The following DTX4 variants were observed in gnomAD, a reference collection of about 807,000 sequenced individuals.
DTX4 encodes the protein deltex E3 ubiquitin ligase 4, also known as E3 ubiquitin-protein ligase DTX4.
Under a neutral mutation model 57.6 loss-of-function variants are expected in DTX4, and 28 were observed. The observed-to-expected ratio is 0.49, with a 90% confidence interval of 0.36 to 0.67. DTX4 has a LOEUF of 0.67. Among genes scored for constraint, DTX4 ranks in the 30% least tolerant of loss-of-function variants. The pLI is 0.00. For synonymous variants in DTX4, 316 were observed against 331.0 expected, an observed-to-expected ratio of 0.95 and a Z score of 0.49; for missense variants, 715 against 836.8, an observed-to-expected ratio of 0.85 and a Z score of 1.80.
chr11:59,202,001 C>G (rs1161003658), intron 8 of DTX4, among the ~76,000 whole-genome samples: 1 of 152,222 alleles, frequency 6.6e-6, no homozygotes, highest in Non-Finnish European at 1.5e-5. Flanking sequence ...CTAGACTCCT[C>G]TTCTAACCCT....
intron 1 of DTX4, 133 bp downstream of exon 1, chr11:59,172,939 G>A (rs1484536552): frequency 5.0e-6 from 3 of 603,960 alleles, no homozygotes; most frequent in Non-Finnish European, 8.3e-6. Flanking sequence ...AGAGGTGGTG[G>A]TGGGAGGCGA....
Position 59,205,070 on chromosome 11 carries a change from C to G in DTX4, c.*161C>G. 1 of 630,602 alleles carries G rather than the reference C, an allele frequency of 1.6e-6. No individual in the cohort carries two copies. Among genetic ancestry groups the G allele is most frequent in the South Asian group, 1.9e-5 (1 of 52,652 alleles). The allele number at this position is 630,602 out of a possible 1,614,324, so 39.1% of individuals were successfully genotyped here. Reference sequence around the variant, plus strand: ...TCATCCCTCCCAACCACAGTGGGAGCCAGACTGAATATAGCGACATCATTC... The same window carrying G: ...TCATCCCTCCCAACCACAGTGGGAGGCAGACTGAATATAGCGACATCATTC... On this transcript the variant is annotated 3_prime_UTR_variant, in exon 9 of 9. Coordinates refer to ENST00000227451, the MANE Select transcript of DTX4 (RefSeq NM_015177.2).
intron 2 of DTX4, 34 bp downstream of exon 2, chr11:59,182,496 C>T: frequency 6.4e-7 from 1 of 1,554,594 alleles, no homozygotes; most frequent in Non-Finnish European, 8.7e-7. Context: ...AGAGCATTTA[C>T]TCAGGGTAGA....
chr11:59,204,119 C>T (rs1862773169), intron 8 of DTX4, among the ~76,000 whole-genome samples: 1 of 152,146 alleles, frequency 6.6e-6, no homozygotes, highest in South Asian at 2.1e-4. Context: ...CTTTGAGCCT[C>T]AGTTTTCTCA....
intron 8 of DTX4, among the ~76,000 whole-genome samples, chr11:59,201,811 C>T (rs540855517): frequency 3.5e-4 from 53 of 152,344 alleles, no homozygotes; most frequent in Admixed American, 6.5e-4. Flanking sequence ...TAAAGTCCTG[C>T]GGTTAAAACT....
At chr11:59,186,502 TTCCCCAAACCTC>T (rs1862530651) in intron 2 of DTX4, among the ~76,000 whole-genome samples, 1 of 152,116 alleles carries the variant, frequency 6.6e-6, no homozygotes, top group Non-Finnish European at 1.5e-5. Context: ...GCCGGGTCTT[TTCCCCAAACCTC>T]TCCAGAAAGA....
At chr11:59,203,728 A>G (rs1862766729) in intron 8 of DTX4, among the ~76,000 whole-genome samples, 1 of 152,238 alleles carries the variant, frequency 6.6e-6, no homozygotes, top group African/African-American at 2.4e-5. Flanking sequence ...ATCTTGTGAG[A>G]TCACCATTGC....
At chr11:59,190,775 C>T (rs1350542658) in intron 4 of DTX4, among the ~76,000 whole-genome samples, 4 of 152,136 alleles carry the variant, frequency 2.6e-5, no homozygotes. Flanking sequence ...ATCTATTTAA[C>T]GTGTAACAGT....
chr11:59,176,212 G>A (rs947185477), intron 1 of DTX4, among the ~76,000 whole-genome samples: 5 of 152,316 alleles, frequency 3.3e-5, no homozygotes, highest in East Asian at 1.9e-4. Context: ...AAGTGGAGGA[G>A]GCAGGCATCA....
chr11:59,176,297 A>G (rs1862394836), intron 1 of DTX4, among the ~76,000 whole-genome samples: 1 of 152,230 alleles, frequency 6.6e-6, no homozygotes, highest in Non-Finnish European at 1.5e-5. Flanking sequence ...TGCACACACT[A>G]TCTTGTTTAA....
Position 59,204,805 on chromosome 11 carries a change from C to T in DTX4, c.1756C>T (p.Leu586Phe). 1 of 1,612,770 alleles carries T rather than the reference C, an allele frequency of 6.2e-7. No individual in the cohort carries two copies. ...VHHKTEFGSN[L>F]TGHGYPDANY... ...CCACAAGACAGAGTTTGGCTCTAATCTCACTGGCCATGGCTACCCAGATGC... is the reference window on the plus strand; with the variant it reads ...CCACAAGACAGAGTTTGGCTCTAATTTCACTGGCCATGGCTACCCAGATGC... Residue 586 changes from leucine to phenylalanine, a missense_variant, in exon 9 of 9, where the codon CTC (leucine) becomes TTC (phenylalanine). Physicochemically the swap from Leu to Phe is conservative, Grantham distance 22 (BLOSUM62 0). Transcript: ENST00000227451.
chr11:59,186,302 C>T (rs11229868), intron 2 of DTX4, among the ~76,000 whole-genome samples: 1 of 152,052 alleles, frequency 6.6e-6, no homozygotes, highest in South Asian at 2.1e-4. Context: ...TGGATTATTT[C>T]CTGGTTGGCC....
intron 1 of DTX4, among the ~76,000 whole-genome samples, chr11:59,175,469 G>A (rs531540042): frequency 4.6e-5 from 7 of 152,212 alleles, no homozygotes; most frequent in East Asian, 3.9e-4. Context: ...CCGTCTGCCC[G>A]CCTCTGTTTG....
chr11:59,185,544 C>A (rs755956767), intron 2 of DTX4, among the ~76,000 whole-genome samples: 1 of 152,092 alleles, frequency 6.6e-6, no homozygotes, highest in African/African-American at 2.4e-5. Flanking sequence ...GCATGCCTGC[C>A]ATTGGGTTGC....
At chr11:59,195,458 T>A in intron 7 of DTX4, 89 bp downstream of exon 7, 1 of 1,424,804 alleles carries the variant, frequency 7.0e-7, no homozygotes, top group Non-Finnish European at 9.3e-7. Context: ...ATATGAAGAG[T>A]CTCCTTCCCA....
rs139568992 is a variant in DTX4 at position 59,201,050 on chromosome 11, T to C, written c.1626+1277T>C. On this transcript the variant is annotated intron_variant, in intron 8 of 8. Coordinates refer to ENST00000227451, the MANE Select transcript of DTX4 (RefSeq NM_015177.2). ...ACTTATGTCTCACAATTCTGGAACC[T>C]GAGAAGTCCAAGATCAAGGCACAGG... Among the ~76,000 whole-genome samples, 670 of 152,300 alleles carry C rather than the reference T, an allele frequency of 4.4e-3. 6 individuals carry two copies. Among genetic ancestry groups the C allele is most frequent in the African/African-American group, 0.015 (623 of 41,562 alleles).
Position 59,191,119 on chromosome 11 carries a change from AC to A in DTX4, c.1169del (p.Pro390GlnfsTer5), listed in dbSNP as rs1565219151. ...TGAACCTCCTGTCTCTGCAGGTAAA[AC>A]CCCAGAGGAAGTGCTAAAAAAATAT... Reference protein sequence around the residue: ...TTKKQAKKGKTPEEVLKKYLQ... With the variant: ...TTKKQAKKGKXPEEVLKKYLQ... On this transcript the variant is annotated frameshift_variant, in exon 5 of 9. Coordinates refer to ENST00000227451, the MANE Select transcript of DTX4 (RefSeq NM_015177.2). LOFTEE classifies it high-confidence loss of function. 6.4e-7 allele frequency: 1 copy of A among 1,569,384 alleles called. No individual in the cohort carries two copies. The highest frequency in any genetic ancestry group is 8.6e-7 in the Non-Finnish European group (1 of 1,157,174).
chr11:59,194,943 T>C (rs1862643511), intron 6 of DTX4: 1 of 498,736 alleles, frequency 2.0e-6, no homozygotes, highest in Admixed American at 3.5e-5. Flanking sequence ...CCTAGAGAGC[T>C]GGTCCCCTCC....
chr11:59,189,018 G>C, intron 3 of DTX4, 144 bp from the exon 4 acceptor site: 1 of 1,060,574 alleles, frequency 9.4e-7, no homozygotes, highest in Non-Finnish European at 1.4e-6. Context: ...TAAGTTTCTG[G>C]GGAAAGTACA....
Sources: gnomAD v4.1 joint callset for allele counts (sites outside exome capture counted in the v4.1 genomes callset) on GRCh38, gnomAD v4.1.1 for gene constraint, MANE v1.5 for transcripts, NCBI Gene and HGNC (gene_info 2026-07-23, HGNC 2026-07-21) for gene names.